The following RAB6B variants were observed in gnomAD, a reference collection of about 807,000 sequenced individuals.
The protein encoded by RAB6B is ras-related protein Rab-6B.
A neutral mutation model predicts 31.2 loss-of-function variants in RAB6B; 7 were observed. The ratio of observed to expected loss-of-function variants is 0.22; its 90% CI spans 0.13 to 0.42. The LOEUF is 0.42. Ranked by LOEUF, RAB6B falls within the 10% of genes least tolerant of loss-of-function variation. The pLI, the probability that RAB6B is intolerant of heterozygous loss-of-function variation, is 1.00. For missense variants in RAB6B, 149 were observed against 280.6 expected, an observed-to-expected ratio of 0.53 and a Z score of 3.35; for synonymous variants, 105 against 104.9, an observed-to-expected ratio of 1.00 and a Z score of -0.01.
chr3:133,890,752 C>A (rs1936625592), intron 1 of RAB6B, among the ~76,000 whole-genome samples: 1 of 152,124 alleles, frequency 6.6e-6, no homozygotes, highest in African/African-American at 2.4e-5. Context: ...AAACTACCTG[C>A]AGGTGGGGAG....
intron 1 of RAB6B, among the ~76,000 whole-genome samples, chr3:133,893,968 C>A (rs1936671631): frequency 6.6e-6 from 1 of 152,234 alleles, no homozygotes; most frequent in Non-Finnish European, 1.5e-5. Flanking sequence ...AGCCTGTCCC[C>A]CAAACCCATC....
At chr3:133,860,025 G>A (rs544592921) in intron 2 of RAB6B, among the ~76,000 whole-genome samples, 7 of 152,326 alleles carry the variant, frequency 4.6e-5, no homozygotes, top group Admixed American at 1.3e-4. Context: ...GTGAAGGGCC[G>A]GAGGGGCTCG....
chr3:133,874,267 G>A lies in RAB6B; in HGVS notation c.71-9625C>T, dbSNP rs1267653433. Among the ~76,000 whole-genome samples the A allele has an allele frequency of 2.0e-5, 3 of 152,208 alleles. No individual in the cohort carries two copies. In the East Asian group the frequency reaches 5.8e-4, roughly 29 times the overall value. On this transcript the variant is annotated intron_variant, in intron 1 of 7. Transcript: ENST00000285208. ...TAAGTTCTGAGCAACGCATCATTAG[G>A]TGACTCTGTCGTAGTGCAAACATCA... is the stretch of plus-strand genomic sequence containing the variant.
chr3:133,855,278 C>T lies in RAB6B; in HGVS notation c.129+9306G>A, dbSNP rs78257392. Among the ~76,000 whole-genome samples the T allele has an allele frequency of 5.5e-3, 836 of 152,332 alleles. 13 individuals carry two copies. The highest frequency in any genetic ancestry group is 0.019 in the African/African-American group (798 of 41,580). On this transcript the variant is annotated intron_variant, in intron 2 of 7. Coordinates refer to ENST00000285208, the MANE Select transcript of RAB6B (RefSeq NM_016577.4). ...AGGCTGGGCATATCCTTGCCAGAAGCGCAGTAATGCGCCCTGGGGGAGGGG... is the reference window on the plus strand; with the variant it reads ...AGGCTGGGCATATCCTTGCCAGAAGTGCAGTAATGCGCCCTGGGGGAGGGG...
chr3:133,873,271 T>A (rs934443703), intron 1 of RAB6B, among the ~76,000 whole-genome samples: 26 of 152,330 alleles, frequency 1.7e-4, no homozygotes, highest in Admixed American at 5.9e-4. Context: ...GTCCTCCAGC[T>A]CCTCCTGAAC....
intron 1 of RAB6B, among the ~76,000 whole-genome samples, chr3:133,868,716 T>C (rs1936276562): frequency 1.3e-5 from 2 of 152,334 alleles, no homozygotes; most frequent in South Asian, 4.1e-4. Context: ...GATGCATTTC[T>C]CCTTTTTCAA....
chr3:133,825,509 C>T lies in RAB6B; in HGVS notation c.*3279G>A, dbSNP rs1228241960. 2 of 152,362 alleles carry T rather than the reference C, an allele frequency of 1.3e-5. No individual in the cohort carries two copies. Among genetic ancestry groups the T allele is most frequent in the East Asian group, 3.9e-4 (2 of 5,186 alleles). The allele number at this position is 152,362 out of a possible 1,614,324, so 9.4% of individuals were successfully genotyped here. On this transcript the variant is annotated 3_prime_UTR_variant, in exon 8 of 8. Transcript: ENST00000285208. ...CAAGGAGGCCTCTGACCAAGGGAAA[C>T]TGCTGCCAACAGCTACCAAGCCAAC...
intron 1 of RAB6B, among the ~76,000 whole-genome samples, chr3:133,887,347 AG>A (rs1479092518): frequency 1.3e-5 from 2 of 152,160 alleles, no homozygotes; most frequent in Non-Finnish European, 2.9e-5. Context: ...TTGTGCCCCC[AG>A]GGAGGGTTGC....
At chr3:133,835,616 C>G (rs767038116) in intron 6 of RAB6B, among the ~76,000 whole-genome samples, 15 of 151,964 alleles carry the variant, frequency 9.9e-5, no homozygotes, top group Non-Finnish European at 1.5e-4. Context: ...ACAGAAGACT[C>G]TGAACTGCTA....
intron 1 of RAB6B, among the ~76,000 whole-genome samples, chr3:133,865,395 C>T (rs1936223480): frequency 6.6e-6 from 1 of 152,234 alleles, no homozygotes; most frequent in Admixed American, 6.5e-5. Context: ...CTGCTAATTT[C>T]CCAAATTGTA....
chr3:133,859,041 T>C (rs1936121794), intron 2 of RAB6B, among the ~76,000 whole-genome samples: 1 of 152,176 alleles, frequency 6.6e-6, no homozygotes, highest in African/African-American at 2.4e-5. Context: ...TGCAGTGGCA[T>C]GATCATGGCT....
chr3:133,850,571 GAAATA>G lies in RAB6B; in HGVS notation c.130-8913_130-8909del, dbSNP rs142035166. 3.3e-3 allele frequency among the ~76,000 whole-genome samples: 502 copies of G among 152,048 alleles called. 1 individual carries two copies. The highest frequency in any genetic ancestry group is 5.8e-3 in the Admixed American group (88 of 15,286). On this transcript the variant is annotated intron_variant, in intron 2 of 7. Transcript: ENST00000285208. ...AAACAACAGATTCAAAAAGAGAAATGAAATAGTCAGTGAACTTGAAAATAGATCAT... is the reference window on the plus strand; with the variant it reads ...AAACAACAGATTCAAAAAGAGAAATGGTCAGTGAACTTGAAAATAGATCAT...
chr3:133,847,910 C>T (rs1935927879), intron 2 of RAB6B, among the ~76,000 whole-genome samples: 1 of 152,170 alleles, frequency 6.6e-6, no homozygotes, highest in Non-Finnish European at 1.5e-5. Flanking sequence ...CTAGGATCTT[C>T]TTCCTTTCTT....
intron 1 of RAB6B, among the ~76,000 whole-genome samples, chr3:133,879,438 G>A (rs918121098): frequency 1.3e-5 from 2 of 152,118 alleles, no homozygotes; most frequent in African/African-American, 4.8e-5. Flanking sequence ...ACTGCTCTGC[G>A]CCCTTCTAAC....
intron 1 of RAB6B, among the ~76,000 whole-genome samples, chr3:133,878,384 T>C (rs956636981): frequency 6.6e-6 from 1 of 152,172 alleles, no homozygotes; most frequent in African/African-American, 2.4e-5. Context: ...TGGTGCAATA[T>C]CTATAAAGTA....
chr3:133,833,560 G>A (rs990915097), intron 7 of RAB6B, among the ~76,000 whole-genome samples: 27 of 152,278 alleles, frequency 1.8e-4, no homozygotes, highest in Middle Eastern at 3.4e-3. Flanking sequence ...TGTCCTGCCC[G>A]CCCTGCCCCA....
chr3:133,880,318 G>A (rs537849931), intron 1 of RAB6B, among the ~76,000 whole-genome samples: 1 of 152,236 alleles, frequency 6.6e-6, no homozygotes, highest in African/African-American at 2.4e-5. Context: ...GAAGGCTGAG[G>A]CAGGGAGAAT....
intron 7 of RAB6B, 135 bp from the exon 8 acceptor site, chr3:133,828,987 G>C: frequency 1.2e-6 from 1 of 823,062 alleles, no homozygotes. Context: ...GTTTGGCTGG[G>C]CTAGGAAGGA....
intron 1 of RAB6B, among the ~76,000 whole-genome samples, chr3:133,870,378 C>T (rs886515146): frequency 2.0e-5 from 3 of 152,156 alleles, no homozygotes; most frequent in South Asian, 2.1e-4. Flanking sequence ...GATTACAATT[C>T]GAGGTAAGAT....
Sources: allele counts gnomAD v4.1 joint callset (sites outside exome capture counted in the v4.1 genomes callset), GRCh38; gene constraint gnomAD v4.1.1; transcripts MANE v1.5; gene names NCBI Gene and HGNC (gene_info 2026-07-23, HGNC 2026-07-21).